TAFA1: variants seen among roughly 807,000 people sequenced by gnomAD.
TAFA1 encodes TAFA chemokine like family member 1, also known as chemokine-like protein TAFA-1.
A neutral mutation model predicts 18.5 loss-of-function variants in TAFA1; 4 were observed. The ratio of observed to expected loss-of-function variants is 0.22; its 90% CI spans 0.11 to 0.49. The LOEUF is 0.49. Ranked by LOEUF, TAFA1 falls within the 20% of genes least tolerant of loss-of-function variation. The pLI, the probability that TAFA1 is intolerant of heterozygous loss-of-function variation, is 0.98. For synonymous variants in TAFA1, 56 were observed against 55.2 expected, an observed-to-expected ratio of 1.01 and a Z score of -0.06; for missense variants, 147 against 169.0, an observed-to-expected ratio of 0.87 and a Z score of 0.72.
At chr3:68,057,461 A>G (rs942304257) in intron 2 of TAFA1, among the ~76,000 whole-genome samples, 2 of 152,204 alleles carry the variant, frequency 1.3e-5, no homozygotes, top group Non-Finnish European at 2.9e-5. Context: ...ACTTCATCTC[A>G]GGAAATGTGC....
chr3:68,430,799 T>A (rs2071155052), intron 3 of TAFA1, among the ~76,000 whole-genome samples: 1 of 151,670 alleles, frequency 6.6e-6, no homozygotes, highest in Non-Finnish European at 1.5e-5. Context: ...CTACAAAGAG[T>A]CTTCACAACT....
At chr3:68,282,264 T>C (rs2107258907) in intron 2 of TAFA1, among the ~76,000 whole-genome samples, 1 of 152,282 alleles carries the variant, frequency 6.6e-6, no homozygotes, top group African/African-American at 2.4e-5. Flanking sequence ...CCCAACCATC[T>C]CAATCACTTT....
intron 3 of TAFA1, among the ~76,000 whole-genome samples, chr3:68,464,296 T>C (rs2071841272): frequency 6.6e-6 from 1 of 152,150 alleles, no homozygotes; most frequent in Admixed American, 6.6e-5. Context: ...TATAAATGCA[T>C]TCCTAAGATA....
intron 2 of TAFA1, among the ~76,000 whole-genome samples, chr3:68,388,791 G>C (rs1009962844): frequency 6.6e-6 from 1 of 151,430 alleles, no homozygotes; most frequent in Non-Finnish European, 1.5e-5. Context: ...TAAACTTCAG[G>C]GTCAGAAGGG....
At chr3:68,424,628 C>G (rs184326656) in intron 3 of TAFA1, among the ~76,000 whole-genome samples, 1 of 151,942 alleles carries the variant, frequency 6.6e-6, no homozygotes, top group African/African-American at 2.4e-5. Context: ...TTCCTAGAGA[C>G]AGCCATGGTA....
At chr3:68,539,955 G>A (rs1013121107) in intron 4 of TAFA1, among the ~76,000 whole-genome samples, 14 of 151,902 alleles carry the variant, frequency 9.2e-5, no homozygotes, top group African/African-American at 2.9e-4. Flanking sequence ...AAGCTCCATC[G>A]GTTACAAATC....
the TAFA1 span, among the ~76,000 whole-genome samples, chr3:67,995,038 A>G: frequency 1.3e-5 from 2 of 152,212 alleles, no homozygotes; most frequent in African/African-American, 2.4e-5. Context: ...ACAGTTAAAT[A>G]TGAACTAGAA....
At chr3:68,019,245 T>C (rs1704630193) in intron 2 of TAFA1, among the ~76,000 whole-genome samples, 1 of 152,218 alleles carries the variant, frequency 6.6e-6, no homozygotes, top group Admixed American at 6.5e-5. Flanking sequence ...TGATTCTTAA[T>C]TTCCCTATGC....
intron 2 of TAFA1, among the ~76,000 whole-genome samples, chr3:68,366,262 A>T (rs983166217): frequency 6.6e-6 from 1 of 152,136 alleles, no homozygotes; most frequent in Admixed American, 6.5e-5. Flanking sequence ...GACACAGCCC[A>T]ATAATATCAA....
intron 2 of TAFA1, among the ~76,000 whole-genome samples, chr3:68,293,332 A>C (rs1053079105): frequency 6.6e-6 from 1 of 152,198 alleles, no homozygotes; most frequent in Non-Finnish European, 1.5e-5. Flanking sequence ...CCACCATGGC[A>C]CATTACCTCT....
At chr3:68,478,914 G>GTA (rs1438077633) in intron 3 of TAFA1, among the ~76,000 whole-genome samples, 2 of 83,692 alleles carry the variant, frequency 2.4e-5, no homozygotes, top group African/African-American at 7.5e-5. Context: ...TCGTATATGT[G>GTA]TGTATATATA....
intron 3 of TAFA1, among the ~76,000 whole-genome samples, chr3:68,501,885 G>GTGTA: frequency 6.6e-6 from 1 of 152,274 alleles, no homozygotes. Flanking sequence ...GCATAGAGAC[G>GTGTA]TGTAGTGTGG....
At chr3:68,145,269 T>C in intron 2 of TAFA1, 1 of 788,490 alleles carries the variant, frequency 1.3e-6, no homozygotes, top group East Asian at 2.4e-5. Context: ...TTCCCTGGGA[T>C]CTATACAACC....
intron 3 of TAFA1, among the ~76,000 whole-genome samples, chr3:68,522,936 TATG>T (rs932302741): frequency 1.1e-4 from 17 of 151,708 alleles, no homozygotes; most frequent in Middle Eastern, 3.4e-3. Context: ...ATTGGCGAGG[TATG>T]GTGGTGTGCA....
At chr3:68,232,661 A>C (rs932919239) in intron 2 of TAFA1, among the ~76,000 whole-genome samples, 31 of 151,978 alleles carry the variant, frequency 2.0e-4, no homozygotes, top group African/African-American at 7.3e-4. Flanking sequence ...GCTGGAGTAC[A>C]TTGATACAAC....
intron 2 of TAFA1, among the ~76,000 whole-genome samples, chr3:68,169,053 T>C (rs920070765): frequency 2.6e-5 from 4 of 152,140 alleles, no homozygotes; most frequent in African/African-American, 9.7e-5. Context: ...TTAGACAAAA[T>C]AGATACTGTA....
Position 68,076,310 on chromosome 3 carries a change from T to A in TAFA1, c.118+69566T>A, listed in dbSNP as rs1159138841. On this transcript the variant is annotated intron_variant, in intron 2 of 4. Coordinates refer to ENST00000478136, the MANE Select transcript of TAFA1 (RefSeq NM_213609.4). Reference sequence around the variant, plus strand: ...TTTTTTTTGAATGTTTGTTTGTTTGTTTGTTTTAAATTATACTTTAAGTTT... The same window carrying A: ...TTTTTTTTGAATGTTTGTTTGTTTGATTGTTTTAAATTATACTTTAAGTTT... Among the ~76,000 whole-genome samples the A allele has an allele frequency of 3.3e-5, 5 of 152,016 alleles. No homozygotes were observed. The East Asian group carries it at 9.6e-4, about 29-fold the overall frequency.
intron 3 of TAFA1, among the ~76,000 whole-genome samples, chr3:68,434,319 C>A (rs2071232544): frequency 6.6e-6 from 1 of 152,090 alleles, no homozygotes; most frequent in African/African-American, 2.4e-5. Flanking sequence ...CTCTGTACTT[C>A]TTTCTGTCTA....
chr3:68,148,271 T>C (rs2065766847), intron 2 of TAFA1, among the ~76,000 whole-genome samples: 1 of 152,220 alleles, frequency 6.6e-6, no homozygotes, highest in African/African-American at 2.4e-5. Context: ...CCTTTTGAAC[T>C]ATTTGACGTA....
Sources: gnomAD v4.1 joint callset for allele counts (sites outside exome capture counted in the v4.1 genomes callset) on GRCh38, gnomAD v4.1.1 for gene constraint, MANE v1.5 for transcripts, NCBI Gene and HGNC (gene_info 2026-07-23, HGNC 2026-07-21) for gene names.